The following AGBL1 variants were observed in gnomAD, a reference collection of about 807,000 sequenced individuals.
The protein encoded by AGBL1 is cytosolic carboxypeptidase 4.
Under a neutral mutation model 118.9 loss-of-function variants are expected in AGBL1, and 130 were observed. The ratio of observed to expected loss-of-function variants is 1.09; its 90% CI spans 0.95 to 1.26. The LOEUF is 1.26. Among genes scored for constraint, AGBL1 ranks in the 50% most tolerant of loss-of-function variants. The probability of loss-of-function intolerance (pLI) is 0.00; values close to 1 mark genes in which losing one functional copy is unlikely to be tolerated. For synonymous variants in AGBL1, 555 were observed against 478.9 expected, an observed-to-expected ratio of 1.16 and a Z score of -2.08; for missense variants, 1,584 against 1,298.1, an observed-to-expected ratio of 1.22 and a Z score of -3.38.
intron 18 of AGBL1, among the ~76,000 whole-genome samples, chr15:86,499,242 A>C (rs765465774): frequency 6.6e-6 from 1 of 151,940 alleles, no homozygotes; most frequent in African/African-American, 2.4e-5. Flanking sequence ...CAGCAAAGGG[A>C]ATAATGATAA....
intron 21 of AGBL1, among the ~76,000 whole-genome samples, chr15:86,636,335 TGTCTA>T (rs1423122848): frequency 2.0e-5 from 3 of 152,084 alleles, no homozygotes; most frequent in Non-Finnish European, 4.4e-5. Context: ...ATTTTATAGA[TGTCTA>T]GTCAAAGAAG....
chr15:86,698,993 T>G (rs182756982), intron 22 of AGBL1, among the ~76,000 whole-genome samples: 2 of 152,150 alleles, frequency 1.3e-5, no homozygotes, highest in African/African-American at 4.8e-5. Context: ...TCATTAAAAG[T>G]CTCTATAACT....
intron 21 of AGBL1, among the ~76,000 whole-genome samples, chr15:86,607,393 G>T (rs2084592925): frequency 6.6e-6 from 1 of 152,202 alleles, no homozygotes; most frequent in Non-Finnish European, 1.5e-5. Context: ...TTGTGAGCAG[G>T]TTTTTGTGTG....
At chr15:86,672,057 GCAAGACC>G (rs2085755670) in intron 21 of AGBL1, among the ~76,000 whole-genome samples, 1 of 152,094 alleles carries the variant, frequency 6.6e-6, no homozygotes, top group South Asian at 2.1e-4. Context: ...GGGTGACAGA[GCAAGACC>G]CTTTTTCTAA....
At chr15:86,320,165 CATTGAGATTTT>C (rs2080082546) in intron 17 of AGBL1, among the ~76,000 whole-genome samples, 1 of 152,062 alleles carries the variant, frequency 6.6e-6, no homozygotes, top group Admixed American at 6.5e-5. Flanking sequence ...TGAGATTTTT[CATTGAGATTTT>C]ATTGAAATGA....
intron 17 of AGBL1, among the ~76,000 whole-genome samples, chr15:86,388,329 G>A (rs2081227682): frequency 6.6e-6 from 1 of 152,072 alleles, no homozygotes; most frequent in Non-Finnish European, 1.5e-5. Flanking sequence ...GAGAGATGAA[G>A]GAGCTCCATG....
chr15:86,162,662 G>A (rs945646875), intron 5 of AGBL1, among the ~76,000 whole-genome samples: 2 of 152,224 alleles, frequency 1.3e-5, no homozygotes, highest in African/African-American at 4.8e-5. Flanking sequence ...AGTGGGAACA[G>A]TTATGGTCAG....
chr15:86,778,237 A>AT (rs1415060590), intron 22 of AGBL1, among the ~76,000 whole-genome samples: 6 of 152,158 alleles, frequency 3.9e-5, no homozygotes, highest in Non-Finnish European at 7.3e-5. Flanking sequence ...AGGCAAATGG[A>AT]GGCAGGGCGA....
rs543075518 is a variant in AGBL1 at position 86,351,478 on chromosome 15, G to A, written c.2375-45888G>A. ...AGCCCACATGAAGAGAAAGCATGGC[G>A]TTCCTCTACCATTGTGTGTTGGTAT... On this transcript the variant is annotated intron_variant, in intron 17 of 22. Coordinates refer to ENST00000614907, the MANE Select transcript of AGBL1 (RefSeq NM_001386094.1). 1.8e-4 allele frequency among the ~76,000 whole-genome samples: 27 copies of A among 152,260 alleles called. 1 individual carries two copies. Among genetic ancestry groups the A allele is most frequent in the Middle Eastern group, 3.4e-3 (1 of 294 alleles).
intron 17 of AGBL1, among the ~76,000 whole-genome samples, chr15:86,308,966 C>T (rs1253060182): frequency 6.6e-6 from 1 of 152,104 alleles, no homozygotes; most frequent in African/African-American, 2.4e-5. Flanking sequence ...TGAAAAGTAT[C>T]ATTGGAATTT....
In AGBL1 at chr15:86,615,411, G is replaced by A. The variant is rs934588390; in HGVS notation, c.2995-58862G>A. Among the ~76,000 whole-genome samples the A allele has an allele frequency of 6.6e-6, 1 of 152,176 alleles. No homozygotes were observed. ...GGTGTCCAGTGGGATCTGGGGTAAG[G>A]AGGAAGAAGGTAAGATGATTATGAG... On this transcript the variant is annotated intron_variant, in intron 21 of 22. Transcript: ENST00000614907. This position sits in a 1 kb window ranked among gnomAD's most constrained non-coding sequence, Gnocchi z 4.3.
At chr15:86,316,510 C>G (rs757197268) in intron 17 of AGBL1, among the ~76,000 whole-genome samples, 3 of 152,290 alleles carry the variant, frequency 2.0e-5, no homozygotes. Flanking sequence ...ATTTGAACAT[C>G]TGTCTCCTCC....
intron 23 of AGBL1, among the ~76,000 whole-genome samples, chr15:86,974,488 ACATATTTTATATATTGAATAT>A (rs1567267827): frequency 4.3e-5 from 6 of 138,756 alleles, no homozygotes; most frequent in Non-Finnish European, 9.2e-5. Context: ...TTGAATATAA[ACATATTTTATATATTGAATAT>A]AAATATATAT....
intron 5 of AGBL1, among the ~76,000 whole-genome samples, chr15:86,191,491 G>A (rs79113127): frequency 0.027 from 4,069 of 152,038 alleles, 73 homozygotes; most frequent in East Asian, 0.072. Context: ...TGTAATGATA[G>A]CCCTGAATGT....
At chr15:86,361,109 A>T (rs1038052099) in intron 17 of AGBL1, among the ~76,000 whole-genome samples, 8 of 152,020 alleles carry the variant, frequency 5.3e-5, no homozygotes, top group Non-Finnish European at 1.2e-4. Flanking sequence ...CTACAAAATT[A>T]TATCTTGGTA....
At chr15:86,633,113 C>A (rs1178271868) in intron 21 of AGBL1, among the ~76,000 whole-genome samples, 1 of 151,854 alleles carries the variant, frequency 6.6e-6, no homozygotes, top group African/African-American at 2.4e-5. Context: ...ACAATAAAGA[C>A]AAAGAAAGTA....
intron 18 of AGBL1, among the ~76,000 whole-genome samples, chr15:86,447,856 A>G (rs28533909): frequency 6.6e-6 from 1 of 152,240 alleles, no homozygotes; most frequent in African/African-American, 2.4e-5. Flanking sequence ...CAAAAGGATC[A>G]AAACAGGGCC....
At chr15:86,567,417 G>T (rs530911734) in intron 21 of AGBL1, among the ~76,000 whole-genome samples, 1 of 152,230 alleles carries the variant, frequency 6.6e-6, no homozygotes, top group African/African-American at 2.4e-5. Context: ...TAGTTAATTT[G>T]TATGTGAAGT....
At chr15:86,628,646 A>G (rs1238120559) in intron 21 of AGBL1, among the ~76,000 whole-genome samples, 2 of 152,012 alleles carry the variant, frequency 1.3e-5, no homozygotes, top group Non-Finnish European at 2.9e-5. Flanking sequence ...AATACAAAAA[A>G]TTAGCCAGGC....
Sources: allele counts gnomAD v4.1 joint callset (sites outside exome capture counted in the v4.1 genomes callset), GRCh38; gene constraint gnomAD v4.1.1; non-coding constraint Gnocchi (gnomAD v3.1); transcripts MANE v1.5; gene names NCBI Gene and HGNC (gene_info 2026-07-23, HGNC 2026-07-21).